The following ALG14 variants were observed in gnomAD, a reference collection of about 807,000 sequenced individuals.
The protein encoded by ALG14 is ALG14 UDP-N-acetylglucosaminyltransferase subunit.
ALG14 carries 17 observed loss-of-function variants against 22.8 expected under a neutral mutation model. The ratio of observed to expected loss-of-function variants is 0.75; its 90% CI spans 0.51 to 1.12. The LOEUF is 1.12. Ranked by LOEUF, ALG14 falls within the 50% of genes most tolerant of loss-of-function variation. The pLI is 0.00. For missense variants in ALG14, 288 were observed against 271.8 expected, an observed-to-expected ratio of 1.06 and a Z score of -0.42; for synonymous variants, 89 against 103.7, an observed-to-expected ratio of 0.86 and a Z score of 0.86.
chr1:95,006,652 A>G (rs987872884), intron 3 of ALG14, among the ~76,000 whole-genome samples: 5 of 152,262 alleles, frequency 3.3e-5, no homozygotes, highest in African/African-American at 1.2e-4. Flanking sequence ...GCCTCCAGTG[A>G]GGCCCAGTCA....
intron 3 of ALG14, among the ~76,000 whole-genome samples, chr1:95,007,256 G>C (rs1438154202): frequency 6.6e-6 from 1 of 152,140 alleles, no homozygotes; most frequent in Admixed American, 6.5e-5. Flanking sequence ...AAAAAATGTA[G>C]GTCTGGCTAA....
chr1:95,024,840 C>G (rs778084865), intron 3 of ALG14, among the ~76,000 whole-genome samples: 1 of 152,208 alleles, frequency 6.6e-6, no homozygotes, highest in Non-Finnish European at 1.5e-5. Flanking sequence ...TCTGCAATTA[C>G]TTCTTCCACT....
chr1:95,067,704 T>C (rs1401111712), intron 1 of ALG14, among the ~76,000 whole-genome samples: 1 of 152,228 alleles, frequency 6.6e-6, no homozygotes, highest in Non-Finnish European at 1.5e-5. Flanking sequence ...ATACGGATTA[T>C]GAACAGTTTC....
chr1:95,001,164 C>T (rs1239719210), intron 3 of ALG14, among the ~76,000 whole-genome samples: 1 of 152,184 alleles, frequency 6.6e-6, no homozygotes, highest in Admixed American at 6.5e-5. Context: ...GGGAAGAGTA[C>T]AGTCTCTTCT....
intron 2 of ALG14, among the ~76,000 whole-genome samples, chr1:95,037,131 C>T (rs955710434): frequency 3.3e-5 from 5 of 151,624 alleles, no homozygotes; most frequent in African/African-American, 4.8e-5. Flanking sequence ...TATAAATGCA[C>T]ATTTATTCTC....
intron 2 of ALG14, among the ~76,000 whole-genome samples, chr1:95,063,720 C>G (rs1323727888): frequency 1.3e-5 from 2 of 152,140 alleles, no homozygotes; most frequent in East Asian, 3.8e-4. Flanking sequence ...TAGCATGATG[C>G]CTCCAGCTTT....
chr1:95,053,926 A>G (rs1358792096), intron 2 of ALG14, among the ~76,000 whole-genome samples: 2 of 152,208 alleles, frequency 1.3e-5, no homozygotes, highest in Non-Finnish European at 2.9e-5. Flanking sequence ...AACAAATACC[A>G]AGGAACTTCT....
intron 2 of ALG14, among the ~76,000 whole-genome samples, chr1:95,053,868 C>G (rs916534590): frequency 6.6e-6 from 1 of 152,150 alleles, no homozygotes; most frequent in Admixed American, 6.5e-5. Context: ...TTTTTAAGCA[C>G]AGAAAATGTA....
In ALG14 at chr1:94,983,428, G is replaced by C. The variant is rs931975955; in HGVS notation, c.421-122C>G. 6.1e-6 allele frequency: 5 copies of C among 814,334 alleles called. No individual in the cohort carries two copies. In the African/African-American group the frequency reaches 8.6e-5, roughly 14 times the overall value. 50.4% of individuals were successfully genotyped at this position (814,334 alleles called of 1,614,324 possible). ...TTATGATTCTAATAAGTCCTTCTCT[G>C]TCAAGAACCAGGATGCAGCAAACAG... is the stretch of plus-strand genomic sequence containing the variant. On this transcript the variant is annotated intron_variant, in intron 3 of 3. Transcript: ENST00000370205.
At chr1:95,059,946 G>T (rs1365458138) in intron 2 of ALG14, among the ~76,000 whole-genome samples, 1 of 151,910 alleles carries the variant, frequency 6.6e-6, no homozygotes, top group Non-Finnish European at 1.5e-5. Context: ...GATTTCTTCA[G>T]CAAGACCCCA....
chr1:95,043,289 C>T (rs1674441150), intron 2 of ALG14, among the ~76,000 whole-genome samples: 1 of 152,102 alleles, frequency 6.6e-6, no homozygotes, highest in Non-Finnish European at 1.5e-5. Flanking sequence ...GGGAGGCCCC[C>T]CATACACACG....
intron 2 of ALG14, among the ~76,000 whole-genome samples, chr1:95,063,666 G>A (rs967422104): frequency 2.6e-5 from 4 of 152,108 alleles, no homozygotes; most frequent in East Asian, 1.9e-4. Flanking sequence ...CAAGTATCAC[G>A]CTGTTTTGGT....
At chr1:95,013,920 CTTTT>C (rs1410951591) in intron 3 of ALG14, among the ~76,000 whole-genome samples, 1 of 118,384 alleles carries the variant, frequency 8.4e-6, no homozygotes, top group Non-Finnish European at 1.7e-5. Context: ...CTTTAAATCA[CTTTT>C]TTCTTAAAAA....
chr1:94,995,426 T>G (rs1438451904), intron 3 of ALG14, among the ~76,000 whole-genome samples: 1 of 152,182 alleles, frequency 6.6e-6, no homozygotes, highest in Non-Finnish European at 1.5e-5. Flanking sequence ...GAACGTGGTA[T>G]TTTGGGCAAG....
intron 2 of ALG14, among the ~76,000 whole-genome samples, chr1:95,060,064 G>A (rs1289755479): frequency 6.6e-6 from 1 of 151,626 alleles, no homozygotes; most frequent in African/African-American, 2.4e-5. Context: ...GGCTTGGCAG[G>A]AAGGTGTCTG....
At position 94,979,376 on chromosome 1, in the gene ALG14, A is replaced by G. The variant is rs939052447; in HGVS notation, c.*3700T>C. ...TGAGGGGAAGTCTCTGAAGACAAAC[A>G]TAAGTAATTAACAAAATCATTCATT... is the stretch of plus-strand genomic sequence containing the variant. On this transcript the variant is annotated 3_prime_UTR_variant, in exon 4 of 4. Coordinates refer to ENST00000370205, the MANE Select transcript of ALG14 (RefSeq NM_144988.4). 4 of 152,060 alleles carry G rather than the reference A, an allele frequency of 2.6e-5. No homozygotes were observed. Among genetic ancestry groups the G allele is most frequent in the Non-Finnish European group, 5.9e-5 (4 of 68,022 alleles). 9.4% of individuals were successfully genotyped at this position (152,060 alleles called of 1,614,324 possible). A position where few individuals can be genotyped will look rare whatever the true frequency, so the allele number is the denominator to read the frequency against.
intron 2 of ALG14, among the ~76,000 whole-genome samples, chr1:95,058,138 T>C (rs774783325): frequency 7.3e-5 from 11 of 149,998 alleles, no homozygotes; most frequent in Non-Finnish European, 1.6e-4. Flanking sequence ...ATACAAAAAT[T>C]AGCTGGGCAT....
intron 2 of ALG14, among the ~76,000 whole-genome samples, chr1:95,056,468 A>G (rs551279686): frequency 7.9e-5 from 12 of 151,348 alleles, no homozygotes; most frequent in Non-Finnish European, 1.5e-4. Flanking sequence ...AACATGGAGA[A>G]ATTCTGTCTC....
At chr1:95,064,004 G>A (rs1294340465) in intron 2 of ALG14, among the ~76,000 whole-genome samples, 5 of 152,226 alleles carry the variant, frequency 3.3e-5, no homozygotes, top group African/African-American at 9.6e-5. Context: ...CACTTCCCTT[G>A]TTAGCTATAT....
Sources: gnomAD v4.1 joint callset for allele counts (sites outside exome capture counted in the v4.1 genomes callset) on GRCh38, gnomAD v4.1.1 for gene constraint, MANE v1.5 for transcripts, NCBI Gene and HGNC (gene_info 2026-07-23, HGNC 2026-07-21) for gene names.